The following CTNNA3 variants were observed in gnomAD, a reference collection of about 807,000 sequenced individuals.
CTNNA3 encodes the protein catenin alpha-3.
Under a neutral mutation model 95.7 loss-of-function variants are expected in CTNNA3, and 76 were observed. That is an observed-to-expected ratio of 0.79 (90% CI 0.66 to 0.96). The LOEUF (loss-of-function observed/expected upper bound fraction) is 0.96, where lower values mean the gene tolerates loss of function less well. Among genes scored for constraint, CTNNA3 ranks in the 40% least tolerant of loss-of-function variants. CTNNA3 has a pLI of 0.00. For synonymous variants in CTNNA3, 431 were observed against 374.4 expected, an observed-to-expected ratio of 1.15 and a Z score of -1.74; for missense variants, 1,191 against 1,089.8, an observed-to-expected ratio of 1.09 and a Z score of -1.31.
chr10:67,068,508 A>G (rs780291848), intron 7 of CTNNA3, among the ~76,000 whole-genome samples: 4 of 152,204 alleles, frequency 2.6e-5, no homozygotes, highest in Non-Finnish European at 5.9e-5. Flanking sequence ...ATAGTGAGTG[A>G]GGTCTTAAAG....
intron 16 of CTNNA3, among the ~76,000 whole-genome samples, chr10:65,985,004 A>G (rs1468527862): frequency 6.6e-6 from 1 of 150,892 alleles, no homozygotes; most frequent in Non-Finnish European, 1.5e-5. Context: ...AAGGATTAAT[A>G]AAATTTTATA....
chr10:67,692,641 C>G (rs1457237880), intron 1 of CTNNA3, among the ~76,000 whole-genome samples: 1 of 128,518 alleles, frequency 7.8e-6, no homozygotes, highest in Admixed American at 7.9e-5. Flanking sequence ...AAACCAGAGA[C>G]CTTTGTTCAC....
At chr10:67,620,779 A>G (rs2133409971) in intron 2 of CTNNA3, among the ~76,000 whole-genome samples, 1 of 152,194 alleles carries the variant, frequency 6.6e-6, no homozygotes. Flanking sequence ...GCAAATCAAG[A>G]TTGCGAATGC....
intron 5 of CTNNA3, among the ~76,000 whole-genome samples, chr10:67,303,554 G>A (rs1001404420): frequency 5.3e-5 from 8 of 152,164 alleles, no homozygotes; most frequent in African/African-American, 1.9e-4. Context: ...TGTATTTAAG[G>A]AAGCTAGAAA....
intron 9 of CTNNA3, among the ~76,000 whole-genome samples, chr10:66,722,758 G>A (rs1848668756): frequency 1.3e-5 from 2 of 150,702 alleles, no homozygotes; most frequent in Admixed American, 6.6e-5. Context: ...AGGCACAACT[G>A]TAAACTTATA....
chr10:66,592,289 G>A (rs555599782), intron 10 of CTNNA3, among the ~76,000 whole-genome samples: 1 of 151,742 alleles, frequency 6.6e-6, no homozygotes, highest in Admixed American at 6.5e-5. Flanking sequence ...ATTTATCACA[G>A]TTTTTAGGAA....
intron 12 of CTNNA3, among the ~76,000 whole-genome samples, chr10:66,320,164 C>G (rs184784114): frequency 5.9e-5 from 9 of 152,208 alleles, no homozygotes; most frequent in African/African-American, 2.2e-4. Context: ...ATTCTTATCA[C>G]TATCATCTTC....
At chr10:67,373,827 T>G (rs576353387) in intron 5 of CTNNA3, among the ~76,000 whole-genome samples, 2 of 152,292 alleles carry the variant, frequency 1.3e-5, no homozygotes, top group South Asian at 4.1e-4. Context: ...TGGGGTTGTA[T>G]AGATGAGGGC....
chr10:66,459,130 G>C (rs566216567), intron 11 of CTNNA3, among the ~76,000 whole-genome samples: 24 of 152,092 alleles, frequency 1.6e-4, no homozygotes, highest in Non-Finnish European at 3.1e-4. Flanking sequence ...AGACAACAAA[G>C]ATGAAGACTT....
At chr10:67,527,864 T>A (rs1243654284) in intron 4 of CTNNA3, among the ~76,000 whole-genome samples, 2 of 152,228 alleles carry the variant, frequency 1.3e-5, no homozygotes, top group African/African-American at 2.4e-5. Flanking sequence ...AATGATAGTA[T>A]CTGTTTATTA....
At chr10:66,091,629 G>A (rs968315786) in intron 14 of CTNNA3, among the ~76,000 whole-genome samples, 39 of 151,838 alleles carry the variant, frequency 2.6e-4, no homozygotes, top group African/African-American at 8.4e-4. Flanking sequence ...AGAGAGTGAA[G>A]GTAATGTTAT....
At chr10:66,714,110 G>C (rs142810265) in intron 9 of CTNNA3, among the ~76,000 whole-genome samples, 11 of 152,118 alleles carry the variant, frequency 7.2e-5, no homozygotes, top group African/African-American at 2.6e-4. Context: ...CAAAATGATC[G>C]AATCGTGATG....
At chr10:67,644,047 C>T (rs990740653) in intron 2 of CTNNA3, among the ~76,000 whole-genome samples, 2 of 152,034 alleles carry the variant, frequency 1.3e-5, no homozygotes, top group Non-Finnish European at 2.9e-5. Context: ...GGATATATAC[C>T]CAGTAACAAG....
intron 7 of CTNNA3, among the ~76,000 whole-genome samples, chr10:67,081,694 T>C (rs899360841): frequency 6.6e-6 from 1 of 152,174 alleles, no homozygotes; most frequent in Non-Finnish European, 1.5e-5. Flanking sequence ...AGTTCTAGTC[T>C]CCTGGACCAG....
chr10:66,592,198 G>T (rs966287730), intron 10 of CTNNA3, among the ~76,000 whole-genome samples: 1 of 151,820 alleles, frequency 6.6e-6, no homozygotes, highest in Non-Finnish European at 1.5e-5. Context: ...TTAGATATCT[G>T]GTTTTTCAAC....
intron 1 of CTNNA3, among the ~76,000 whole-genome samples, chr10:67,752,407 C>T (rs776850964): frequency 6.6e-6 from 1 of 152,152 alleles, no homozygotes; most frequent in Non-Finnish European, 1.5e-5. Context: ...CCCTTGAAAC[C>T]TGGCACAAAA....
At chr10:67,655,734 G>A (rs1423845461) in intron 1 of CTNNA3, among the ~76,000 whole-genome samples, 1 of 149,540 alleles carries the variant, frequency 6.7e-6, no homozygotes, top group Non-Finnish European at 1.5e-5. Context: ...GGCAGAGGCT[G>A]CAGTGAGCCA....
intron 15 of CTNNA3, among the ~76,000 whole-genome samples, chr10:66,006,267 C>CA (rs879494605): frequency 3.9e-5 from 6 of 152,040 alleles, no homozygotes; most frequent in Non-Finnish European, 7.4e-5. Flanking sequence ...CCCGCCTCGG[C>CA]CTCCCAAAGT....
At chr10:66,492,793 A>G (rs12217832) in intron 11 of CTNNA3, among the ~76,000 whole-genome samples, 12,441 of 152,168 alleles carry the variant, frequency 0.082, 1,195 homozygotes, top group East Asian at 0.32. Context: ...CTATACCACC[A>G]ATTGGGCTTT....
Sources: gnomAD v4.1 joint callset for allele counts (sites outside exome capture counted in the v4.1 genomes callset) on GRCh38, gnomAD v4.1.1 for gene constraint, MANE v1.5 for transcripts, NCBI Gene and HGNC (gene_info 2026-07-23, HGNC 2026-07-21) for gene names.